Variants in ECSIT observed in about 807,000 individuals in gnomAD.
ECSIT encodes the protein evolutionarily conserved signaling intermediate in Toll pathway, mitochondrial.
Under a neutral mutation model 36.8 loss-of-function variants are expected in ECSIT, and 29 were observed. The observed-to-expected ratio is 0.79, with a 90% CI of 0.59 to 1.08. The LOEUF (loss-of-function observed/expected upper bound fraction) is 1.08. Ranked by LOEUF, ECSIT falls within the 50% of genes least tolerant of loss-of-function variation. The pLI is 0.00. For synonymous variants in ECSIT, 231 were observed against 234.8 expected (o/e 0.98, Z 0.15); for missense variants, 542 against 581.0 (o/e 0.93, Z 0.69).
In ECSIT at chr19:11,506,241, G is replaced by T; in HGVS notation, c.1239C>A (p.Pro413=). 6.2e-7 allele frequency: 1 copy of T among 1,609,696 alleles called. No homozygotes were observed. The change falls in exon 8 of 8, where the codon CCC becomes CCA. Residue 413 remains proline (P), a synonymous_variant. Transcript: ENST00000270517. ...SSAGLEEPPL[P]EDHQEEDDNL... is the part of the protein sequence containing the mutation. ...TGTCGTCTTCTTCCTGGTGGTCCTC[G>T]GGCAGGGGCGGCTCCTCCAGCCCTG... is the stretch of plus-strand genomic sequence containing the variant.
rs377204881 is a variant in ECSIT, at chr19:11,513,793, C to T, written c.514+11G>A. On this transcript the variant is annotated intron_variant, in intron 3 of 7. Transcript: ENST00000270517. ...CCCACTCCCCACCCTGCGCCAGCCT[C>T]CTGGCCTCACCGTGGTTCTCCATCT... The T allele has an allele frequency of 1.3e-4, 207 of 1,613,592 alleles. No homozygotes were observed. Among genetic ancestry groups the T allele is most frequent in the Non-Finnish European group, 1.6e-4 (188 of 1,179,974 alleles).
Position 11,513,761 on chromosome 19 carries a change from A to C in ECSIT, c.514+43T>G, listed in dbSNP as rs534246684. 306 of 1,609,110 alleles carry C rather than the reference A, an allele frequency of 1.9e-4. 4 individuals carry two copies. The South Asian group carries it at 3.2e-3, about 17-fold the overall frequency. ...CTCAGGAGAGGTGCTGCCAGCTATC[A>C]GTGTAGCCCACTCCCCACCCTGCGC... is the stretch of plus-strand genomic sequence containing the variant. On this transcript the variant is annotated intron_variant, in intron 3 of 7. Coordinates refer to ENST00000270517, the MANE Select transcript of ECSIT (RefSeq NM_016581.5).
Position 11,507,536 on chromosome 19 carries a change from C to G in ECSIT, c.972G>C (p.Trp324Cys), listed in dbSNP as rs376676777. Residue 324 changes from tryptophan to cysteine, a missense_variant, in exon 7 of 8, where the codon TGG becomes TGC. Physicochemically the swap from Trp to Cys is radical, Grantham distance 215. Transcript: ENST00000270517. The part of the protein sequence containing the change: ...EREVEETPEE[W>C]NLYYPMQLDL... ...CCAGCTGCATCGGGTAGTAGAGGTT[C>G]CACTCCTCCGGCGTCTCTTCCACTT... 9 of 1,613,956 alleles carry G rather than the reference C, an allele frequency of 5.6e-6. No homozygotes were observed. Among genetic ancestry groups the G allele is most frequent in the African/African-American group, 2.7e-5 (2 of 74,868 alleles).
rs1020735593 is a variant in ECSIT, at chr19:11,519,831, T to C, written c.-23-638A>G. ...AAAAATACAAAAAATTAGCCGAGCA[T>C]GGTGGCGCACGCCTGTAATTCCAGC... On this transcript the variant is annotated intron_variant, in intron 1 of 7. Coordinates refer to ENST00000270517, the MANE Select transcript of ECSIT (RefSeq NM_016581.5). This position sits in a 1 kb window ranked among gnomAD's most constrained non-coding sequence, Gnocchi z 4.4. The C allele has an allele frequency of 6.6e-6, 1 of 152,416 alleles. No homozygotes were observed. The highest frequency in any genetic ancestry group is 1.5e-5 in the Non-Finnish European group (1 of 68,462). 9.4% of individuals were successfully genotyped at this position (152,416 alleles called of 1,614,324 possible). A position where few individuals can be genotyped will look rare whatever the true frequency, so the allele number is the denominator to read the frequency against.
chr19:11,525,353 T>A (rs116682523), intron 1 of ECSIT, among the ~76,000 whole-genome samples: 1 of 151,262 alleles, frequency 6.6e-6, no homozygotes, highest in African/African-American at 2.4e-5. Flanking sequence ...TATAAAAAAA[T>A]TTAAAAATTA....
intron 1 of ECSIT, among the ~76,000 whole-genome samples, chr19:11,526,761 C>T (rs2145007197): frequency 6.7e-6 from 1 of 149,990 alleles, no homozygotes; most frequent in African/African-American, 2.5e-5. Flanking sequence ...ACTCTGTTCC[C>T]CAGGCTGGAG....
intron 2 of ECSIT, among the ~76,000 whole-genome samples, chr19:11,516,557 G>A (rs1392650774): frequency 6.6e-6 from 1 of 152,038 alleles, no homozygotes; most frequent in Non-Finnish European, 1.5e-5. Flanking sequence ...GGAGGCTGAA[G>A]CAGGAGGACT....
chr19:11,507,803 C>G lies in ECSIT; in HGVS notation c.844G>C (p.Ala282Pro). 1 of 1,614,092 alleles carries G rather than the reference C, an allele frequency of 6.2e-7. No homozygotes were observed. The highest frequency in any genetic ancestry group is 8.5e-7 in the Non-Finnish European group (1 of 1,180,030). ...QQAALARHNP[A>P]RPVFVEGPFS... ...GGGCCCTCAACAAAGACAGGCCGGG[C>G]TGGATTGTGGCGGGCCAGGGCGGCC... Residue 282 changes from alanine (A) to proline (P), a missense_variant, in exon 6 of 8, where the codon GCC (alanine) becomes CCC (proline). Ala to Pro is a conservative substitution (Grantham distance 27). Coordinates refer to ENST00000270517, the MANE Select transcript of ECSIT (RefSeq NM_016581.5).
chr19:11,508,190 C>A, intron 4 of ECSIT, 142 bp from the exon 5 acceptor site: 2 of 974,960 alleles, frequency 2.1e-6, no homozygotes, highest in Non-Finnish European at 3.2e-6. Flanking sequence ...CCTGTCCCCT[C>A]CTCCCTCTGT....
chr19:11,519,270 G>T lies in ECSIT; in HGVS notation c.-23-77C>A. On this transcript the variant is annotated intron_variant, in intron 1 of 7. Transcript: ENST00000270517. This position sits in a 1 kb window ranked among gnomAD's most constrained non-coding sequence, Gnocchi z 4.4. ...GACGCAAGGGCCCCGCAGGGTCGAG[G>T]GCACACTCCAGATTATGTGGCTCAC... is the stretch of plus-strand genomic sequence containing the variant. The T allele has an allele frequency of 1.1e-6, 1 of 945,280 alleles. No individual in the cohort carries two copies. The highest frequency in any genetic ancestry group is 1.6e-6 in the Non-Finnish European group (1 of 607,752). The allele number at this position is 945,280 out of a possible 1,614,324, so 58.6% of individuals were successfully genotyped here.
In ECSIT at chr19:11,505,993, G is replaced by C. The variant is rs990045841; in HGVS notation, c.*191C>G. 22 of 1,053,740 alleles carry C rather than the reference G, an allele frequency of 2.1e-5. No homozygotes were observed. The highest frequency in any genetic ancestry group is 2.6e-5 in the Non-Finnish European group (19 of 737,350). The allele number at this position is 1,053,740 out of a possible 1,614,324, so 65.3% of individuals were successfully genotyped here. Reference sequence around the variant, plus strand: ...ATTCGGAGAACCAGAGGCGCCTGCAGATTCTGGAGGGGTCTCGCCTGCCCA... The same window carrying C: ...ATTCGGAGAACCAGAGGCGCCTGCACATTCTGGAGGGGTCTCGCCTGCCCA... On this transcript the variant is annotated 3_prime_UTR_variant, in exon 8 of 8. Transcript: ENST00000270517.
At chr19:11,508,383 A>ATTTT (rs34929827) in intron 4 of ECSIT, among the ~76,000 whole-genome samples, 7 of 124,052 alleles carry the variant, frequency 5.6e-5, no homozygotes, top group African/African-American at 3.6e-5. Flanking sequence ...CTTAATTCCG[A>ATTTT]TTTTTTTTTT....
chr19:11,522,173 G>A, intron 1 of ECSIT: 5 of 469,064 alleles, frequency 1.1e-5, no homozygotes, highest in South Asian at 8.8e-5. Flanking sequence ...AGGCATTCGA[G>A]AAGTACCGCC....
chr19:11,513,870 T>C lies in ECSIT; in HGVS notation c.448A>G (p.Ile150Val), dbSNP rs1262345201. The C allele has an allele frequency of 6.2e-7, 1 of 1,614,008 alleles. No individual in the cohort carries two copies. Residue 150 changes from isoleucine (I) to valine (V), a missense_variant, in exon 3 of 8, where the codon ATC (isoleucine) becomes GTC (valine). Ile to Val is a conservative substitution (Grantham distance 29, BLOSUM62 3). Transcript: ENST00000270517. ...TGCTGCCGAGGGTAGTGGACGAAGA[T>C]GCGCTGGATGATGTTGCGAGGCCGG... The part of the protein sequence containing the change: ...VFRPRNIIQR[I>V]FVHYPRQQEC...
chr19:11,525,266 T>C (rs1972190699), intron 1 of ECSIT, among the ~76,000 whole-genome samples: 4 of 152,162 alleles, frequency 2.6e-5, no homozygotes, highest in Admixed American at 1.3e-4. Flanking sequence ...CCTAGCACTT[T>C]GGGAGGCCAT....
chr19:11,506,564 T>C (rs1971747265), intron 7 of ECSIT, 136 bp from the exon 8 acceptor site: 3 of 1,186,390 alleles, frequency 2.5e-6, no homozygotes, highest in Non-Finnish European at 3.3e-6. Flanking sequence ...AGACGGAGTC[T>C]CGCTGTGTCA....
chr19:11,506,611 T>A (rs372481951), intron 7 of ECSIT, among the ~76,000 whole-genome samples, 183 bp from the exon 8 acceptor site: 2 of 141,214 alleles, frequency 1.4e-5, no homozygotes, highest in South Asian at 4.8e-4. Flanking sequence ...CTCGGCTCAC[T>A]GCAACATCCG....
At chr19:11,517,763 G>A (rs534062377) in intron 2 of ECSIT, among the ~76,000 whole-genome samples, 30 of 152,228 alleles carry the variant, frequency 2.0e-4, no homozygotes, top group African/African-American at 7.2e-4. Flanking sequence ...CGGGCACAGA[G>A]TAAGTGCTCA....
intron 4 of ECSIT, among the ~76,000 whole-genome samples, chr19:11,512,833 C>T (rs1971898541): frequency 6.6e-6 from 1 of 152,038 alleles, no homozygotes; most frequent in African/African-American, 2.4e-5. Flanking sequence ...GTCCCAGCTA[C>T]TCAGGAGGCT....
Sources: allele counts gnomAD v4.1 joint callset (sites outside exome capture counted in the v4.1 genomes callset), GRCh38; gene constraint gnomAD v4.1.1; non-coding constraint Gnocchi (gnomAD v3.1); transcripts MANE v1.5; gene names NCBI Gene and HGNC (gene_info 2026-07-23, HGNC 2026-07-21).